Variants in CLYBL observed in about 807,000 individuals in gnomAD.
CLYBL encodes the protein citramalyl-CoA lyase, mitochondrial.
A neutral mutation model predicts 38.9 loss-of-function variants in CLYBL; 31 were observed. The ratio of observed to expected loss-of-function variants is 0.80; its 90% confidence interval spans 0.60 to 1.08. The LOEUF is 1.08. CLYBL is among the 50% of genes least tolerant of loss of function. The pLI, the probability that CLYBL is intolerant of heterozygous loss-of-function variation, is 0.00. For synonymous variants in CLYBL, 171 were observed against 158.6 expected, an observed-to-expected ratio of 1.08 and a Z score of -0.59; for missense variants, 434 against 411.6, an observed-to-expected ratio of 1.05 and a Z score of -0.47.
chr13:99,736,942 C>T (rs2048677701), intron 1 of CLYBL, among the ~76,000 whole-genome samples: 1 of 152,058 alleles, frequency 6.6e-6, no homozygotes, highest in Non-Finnish European at 1.5e-5. Context: ...GAAATACTGA[C>T]TAAAAATTGT....
chr13:99,668,014 CTGTAAT>C (rs1160802119), intron 1 of CLYBL, among the ~76,000 whole-genome samples: 1 of 152,176 alleles, frequency 6.6e-6, no homozygotes, highest in Non-Finnish European at 1.5e-5. Context: ...TGGCTCACAC[CTGTAAT>C]TCCAGCACTT....
rs1374333607 is a variant in CLYBL, at chr13:99,855,662, CT to C, written c.250-3198del. ...TTTCACAACTGGGTGGACTGTGACT[CT>C]CTCGAACTGAACACCCAGAACTAAA... On this transcript the variant is annotated intron_variant, in intron 2 of 8. Coordinates refer to ENST00000339105, the MANE Select transcript of CLYBL (RefSeq NM_206808.5). Among the ~76,000 whole-genome samples, 33 of 112,804 alleles carry C rather than the reference CT, an allele frequency of 2.9e-4. 1 individual carries two copies. Among genetic ancestry groups the C allele is most frequent in the Non-Finnish European group, 6.8e-4 (30 of 44,312 alleles). 74.0% of individuals were successfully genotyped at this position (112,804 alleles called of 152,430 possible).
chr13:99,676,560 G>A (rs1432144036), intron 1 of CLYBL, among the ~76,000 whole-genome samples: 2 of 150,048 alleles, frequency 1.3e-5, no homozygotes, highest in Non-Finnish European at 1.5e-5. Context: ...AAAGTGCTGG[G>A]ATTACAGGCA....
At chr13:99,907,997 G>A (rs2052713909) in intron 9 of CLYBL, among the ~76,000 whole-genome samples, 1 of 152,178 alleles carries the variant, frequency 6.6e-6, no homozygotes, top group South Asian at 2.1e-4. Context: ...GCTGAGTGGT[G>A]AACAGCACTC....
At chr13:99,691,282 A>G (rs1566611208) in intron 1 of CLYBL, among the ~76,000 whole-genome samples, 1 of 152,212 alleles carries the variant, frequency 6.6e-6, no homozygotes, top group East Asian at 1.9e-4. Context: ...TTCTTAATCA[A>G]TATCTAAGTT....
At chr13:99,858,389 G>GA (rs1408993744) in intron 2 of CLYBL, among the ~76,000 whole-genome samples, 1 of 152,100 alleles carries the variant, frequency 6.6e-6, no homozygotes, top group Non-Finnish European at 1.5e-5. Context: ...TGTGGAAAAA[G>GA]AAAAATCCTT....
At chr13:99,665,757 C>A (rs182706612) in intron 1 of CLYBL, among the ~76,000 whole-genome samples, 1 of 152,208 alleles carries the variant, frequency 6.6e-6, no homozygotes, top group Non-Finnish European at 1.5e-5. Flanking sequence ...TATTATATGT[C>A]CATGGTTTTC....
intron 7 of CLYBL, among the ~76,000 whole-genome samples, chr13:99,890,340 T>TA (rs1171879928): frequency 6.6e-6 from 1 of 152,166 alleles, no homozygotes; most frequent in Non-Finnish European, 1.5e-5. Flanking sequence ...ACAGTCTATA[T>TA]AAGTATGGTA....
At chr13:99,752,806 G>T (rs1012224165) in intron 1 of CLYBL, among the ~76,000 whole-genome samples, 1 of 152,142 alleles carries the variant, frequency 6.6e-6, no homozygotes, top group Non-Finnish European at 1.5e-5. Context: ...TTCAAAGGAT[G>T]TGGAGAAGGA....
chr13:99,706,134 C>G (rs969731875), intron 1 of CLYBL, among the ~76,000 whole-genome samples: 1 of 151,956 alleles, frequency 6.6e-6, no homozygotes, highest in East Asian at 1.9e-4. Flanking sequence ...GTTTCACCAT[C>G]TTGGCCAGGC....
At chr13:99,716,423 G>A (rs9517850) in intron 1 of CLYBL, among the ~76,000 whole-genome samples, 2 of 143,058 alleles carry the variant, frequency 1.4e-5, no homozygotes, top group South Asian at 2.2e-4. Context: ...AGAGTCTGTC[G>A]CCCAGACTGG....
chr13:99,826,353 C>T (rs965201614), intron 2 of CLYBL, among the ~76,000 whole-genome samples: 2 of 152,158 alleles, frequency 1.3e-5, no homozygotes, highest in Non-Finnish European at 2.9e-5. Flanking sequence ...GAGTTTTCAG[C>T]CTGCCAGCTT....
At chr13:99,789,151 C>G (rs578193300) in intron 2 of CLYBL, among the ~76,000 whole-genome samples, 1 of 152,102 alleles carries the variant, frequency 6.6e-6, no homozygotes, top group Non-Finnish European at 1.5e-5. Context: ...AAAACCAGCT[C>G]GTGGATTCAT....
At chr13:99,787,340 A>G (rs941666451) in intron 2 of CLYBL, among the ~76,000 whole-genome samples, 9 of 152,148 alleles carry the variant, frequency 5.9e-5, no homozygotes, top group Non-Finnish European at 1.0e-4. Flanking sequence ...TAGGTCTAAC[A>G]TTTAAGTCTT....
Position 99,879,089 on chromosome 13 carries a change from G to C in CLYBL, c.927+8027G>C, listed in dbSNP as rs113369793. 2.8e-3 allele frequency among the ~76,000 whole-genome samples: 426 copies of C among 152,122 alleles called. 2 individuals are homozygous for C. The highest frequency in any genetic ancestry group is 0.024 in the Middle Eastern group (7 of 292). On this transcript the variant is annotated intron_variant, in intron 7 of 8. Transcript: ENST00000339105. ...CTCCTCCCTGTTGTTCAGCCGCCTC[G>C]ACCTTTCCTGCCCTGCTCCTGCCAA... is the stretch of plus-strand genomic sequence containing the variant.
In CLYBL at chr13:99,797,985, G is replaced by A. The variant is rs576030437; in HGVS notation, c.249+24975G>A. Among the ~76,000 whole-genome samples the A allele has an allele frequency of 5.9e-5, 9 of 152,322 alleles. No individual in the cohort carries two copies. In the South Asian group the frequency reaches 1.9e-3, roughly 32 times the overall value. On this transcript the variant is annotated intron_variant, in intron 2 of 8. Transcript: ENST00000339105. ...TTTGACTGCAATTTGCATCTTTAAA[G>A]AGGTTGGACTGCCCTGAGATTCATG...
At chr13:99,674,786 G>A (rs2047619862) in intron 1 of CLYBL, among the ~76,000 whole-genome samples, 1 of 152,180 alleles carries the variant, frequency 6.6e-6, no homozygotes, top group African/African-American at 2.4e-5. Context: ...TATGTCCTGG[G>A]AACCAAGTGA....
intron 1 of CLYBL, among the ~76,000 whole-genome samples, chr13:99,656,329 C>T (rs578105040): frequency 7.2e-5 from 11 of 152,222 alleles, no homozygotes; most frequent in Non-Finnish European, 1.6e-4. Context: ...GGTGTTCAGT[C>T]GGGTCCACGG....
chr13:99,875,367 T>C (rs897198640), intron 7 of CLYBL, among the ~76,000 whole-genome samples: 9 of 152,222 alleles, frequency 5.9e-5, no homozygotes, highest in African/African-American at 2.2e-4. Context: ...TTTTTTTCCT[T>C]ATGTAAGTCT....
Sources: gnomAD v4.1 joint callset for allele counts (sites outside exome capture counted in the v4.1 genomes callset) on GRCh38, gnomAD v4.1.1 for gene constraint, MANE v1.5 for transcripts, NCBI Gene and HGNC (gene_info 2026-07-23, HGNC 2026-07-21) for gene names.